ARHGEF10: variants seen among roughly 807,000 people sequenced by gnomAD.
ARHGEF10 encodes the protein Rho guanine nucleotide exchange factor (GEF) 10.
A neutral mutation model predicts 147.4 loss-of-function variants in ARHGEF10; 140 were observed. The ratio of observed to expected loss-of-function variants is 0.95; its 90% confidence interval spans 0.83 to 1.09. ARHGEF10 has a LOEUF of 1.09. ARHGEF10 is among the 50% of genes least tolerant of loss of function. The probability of loss-of-function intolerance (pLI) is 0.00; values close to 1 mark genes in which losing one functional copy is unlikely to be tolerated. For missense variants in ARHGEF10, 2,222 were observed against 1,752.7 expected, an observed-to-expected ratio of 1.27 and a Z score of -4.78; for synonymous variants, 902 against 695.8, an observed-to-expected ratio of 1.30 and a Z score of -4.67.
rs370332891 is a variant in ARHGEF10 at position 1,928,509 on chromosome 8, A to G, written c.2780A>G (p.Asn927Ser). The G allele has an allele frequency of 2.2e-5, 35 of 1,614,068 alleles. No individual in the cohort carries two copies. The Admixed American group carries it at 3.2e-4, about 15-fold the overall frequency. Residue 927 changes from asparagine to serine, a missense_variant, in exon 24 of 29, where the codon AAC becomes AGC. Physicochemically the swap from Asn to Ser is conservative, Grantham distance 46. Coordinates refer to ENST00000349830, the MANE Select transcript of ARHGEF10 (RefSeq NM_014629.4). ...NSTPKVIECF[N>S]VESRILCMLY... Reference sequence around the variant, plus strand: ...ACTCCCAAAGTCATTGAGTGCTTCAACGTGGAATCTCGCATCCTGTGCATG... The same window carrying G: ...ACTCCCAAAGTCATTGAGTGCTTCAGCGTGGAATCTCGCATCCTGTGCATG...
chr8:1,842,049 GCGGCGGGAACTGGGGC>G (rs1804130122), intron 1 of ARHGEF10, among the ~76,000 whole-genome samples: 1 of 128,596 alleles, frequency 7.8e-6, no homozygotes, highest in Non-Finnish European at 1.7e-5. Flanking sequence ...AACTGGGGCC[GCGGCGGGAACTGGGGC>G]CGCGGCGGGA....
At chr8:1,835,963 C>T (rs187182234) in intron 1 of ARHGEF10, among the ~76,000 whole-genome samples, 43 of 152,262 alleles carry the variant, frequency 2.8e-4, no homozygotes, top group Admixed American at 5.9e-4. Context: ...GGGCAGATCA[C>T]GAGCTCAGGA....
chr8:1,891,832 C>T (rs1204898754), intron 11 of ARHGEF10, among the ~76,000 whole-genome samples: 1 of 151,990 alleles, frequency 6.6e-6, no homozygotes, highest in Non-Finnish European at 1.5e-5. Flanking sequence ...CGTGCAGTAG[C>T]CATGAAACCC....
At chr8:1,852,168 T>A (rs1805206249) in intron 2 of ARHGEF10, among the ~76,000 whole-genome samples, 1 of 152,076 alleles carries the variant, frequency 6.6e-6, no homozygotes, top group South Asian at 2.1e-4. Context: ...CCAAGTGCAA[T>A]AGCCATGTGT....
At chr8:1,941,928 G>T (rs761256824) in intron 26 of ARHGEF10, among the ~76,000 whole-genome samples, 24 of 152,198 alleles carry the variant, frequency 1.6e-4, no homozygotes, top group Non-Finnish European at 1.3e-4. Context: ...GCAGAAGAAT[G>T]AAGTTGGACC....
At position 1,928,518 on chromosome 8, in the gene ARHGEF10, C is replaced by G; in HGVS notation, c.2789C>G (p.Ser930Cys). The change falls in exon 24 of 29, where the codon TCT becomes TGT. Residue 930 changes from serine to cysteine, a missense_variant. Coordinates refer to ENST00000349830, the MANE Select transcript of ARHGEF10 (RefSeq NM_014629.4). ...GTCATTGAGTGCTTCAACGTGGAATCTCGCATCCTGTGCATGCTGTACGTT... is the reference window on the plus strand; with the variant it reads ...GTCATTGAGTGCTTCAACGTGGAATGTCGCATCCTGTGCATGCTGTACGTT... ...PKVIECFNVE[S>C]RILCMLYVPV... is the part of the protein sequence containing the mutation. 6.2e-7 allele frequency: 1 copy of G among 1,614,238 alleles called. No individual in the cohort carries two copies. Among genetic ancestry groups the G allele is most frequent in the Non-Finnish European group, 8.5e-7 (1 of 1,180,054 alleles).
At chr8:1,909,226 G>A in intron 17 of ARHGEF10, 69 bp from the exon 18 acceptor site, 1 of 1,597,246 alleles carries the variant, frequency 6.3e-7, no homozygotes, top group Non-Finnish European at 8.6e-7. Flanking sequence ...TTGAACATCT[G>A]AGGGATGAAC....
At chr8:1,841,699 G>T (rs1195862747) in intron 1 of ARHGEF10, among the ~76,000 whole-genome samples, 2 of 152,080 alleles carry the variant, frequency 1.3e-5, no homozygotes, top group East Asian at 3.9e-4. Flanking sequence ...TCTTTTCTCA[G>T]CAGTCGTGTT....
chr8:1,925,298 T>C lies in ARHGEF10; in HGVS notation c.2504T>C (p.Met835Thr). ...ATAATTGCAGAAGAGGAGAACCACATGGGCTGGTTCTGTGTGGAAGACGAT... is the reference window on the plus strand; with the variant it reads ...ATAATTGCAGAAGAGGAGAACCACACGGGCTGGTTCTGTGTGGAAGACGAT... ...AKLALEEENH[M>T]GWFCVEDDGN... Residue 835 changes from methionine to threonine, a missense_variant, in exon 22 of 29, where the codon ATG becomes ACG. Met to Thr is a moderately conservative substitution (Grantham distance 81). Coordinates refer to ENST00000349830, the MANE Select transcript of ARHGEF10 (RefSeq NM_014629.4). 5 of 1,614,180 alleles carry C rather than the reference T, an allele frequency of 3.1e-6. No individual in the cohort carries two copies. The highest frequency in any genetic ancestry group is 4.2e-6 in the Non-Finnish European group (5 of 1,180,022).
Position 1,866,521 on chromosome 8 carries a change from T to A in ARHGEF10, c.546-5T>A. On this transcript the variant is annotated splice_polypyrimidine_tract_variant and splice_region_variant and intron_variant, in intron 5 of 28. Transcript: ENST00000349830. ...ATTCTGACTTTATGGTTTGTTTTCT[T>A]TAAGTGAAGATCAAGTCGGTCGAGA... The A allele has an allele frequency of 6.2e-7, 1 of 1,612,194 alleles. No homozygotes were observed. Among genetic ancestry groups the A allele is most frequent in the Non-Finnish European group, 8.5e-7 (1 of 1,179,958 alleles).
At chr8:1,905,466 C>G in intron 16 of ARHGEF10, 105 bp from the exon 17 acceptor site, 3 of 1,402,668 alleles carry the variant, frequency 2.1e-6, no homozygotes, top group Admixed American at 3.4e-5. Flanking sequence ...GTAAAGCGCT[C>G]AGTTTGGAAA....
intron 25 of ARHGEF10, among the ~76,000 whole-genome samples, chr8:1,929,947 C>G (rs1172379973): frequency 6.6e-6 from 1 of 152,174 alleles, no homozygotes; most frequent in African/African-American, 2.4e-5. Context: ...CGCCTGGTCC[C>G]CGCAGCCGCT....
chr8:1,924,729 G>A (rs1812556016), intron 21 of ARHGEF10, among the ~76,000 whole-genome samples: 1 of 152,172 alleles, frequency 6.6e-6, no homozygotes, highest in Admixed American at 6.5e-5. Flanking sequence ...TAGCAAACAA[G>A]GAAGTGGCCA....
At chr8:1,859,773 TCTAGGGGTC>T in intron 3 of ARHGEF10, 115 bp from the exon 4 acceptor site, 5 of 1,222,718 alleles carry the variant, frequency 4.1e-6, no homozygotes, top group Non-Finnish European at 5.9e-6. Context: ...CCTGGGAACG[TCTAGGGGTC>T]CTGGCATGGG....
Position 1,948,696 on chromosome 8 carries a change from A to G in ARHGEF10, c.3397+3041A>G, listed in dbSNP as rs1814786713. On this transcript the variant is annotated intron_variant, in intron 27 of 28. Coordinates refer to ENST00000349830, the MANE Select transcript of ARHGEF10 (RefSeq NM_014629.4). The surrounding 1 kb of genome is among the most constrained non-coding windows in gnomAD (Gnocchi z 4.9). ...CTCAGAGGGAATGAGCAGGCCAGAGAGTCCTTTCCTCCAGAGAGTCCTTTC... is the reference window on the plus strand; with the variant it reads ...CTCAGAGGGAATGAGCAGGCCAGAGGGTCCTTTCCTCCAGAGAGTCCTTTC... Among the ~76,000 whole-genome samples, 1 of 152,210 alleles carries G rather than the reference A, an allele frequency of 6.6e-6. No homozygotes were observed. The highest frequency in any genetic ancestry group is 2.4e-5 in the African/African-American group (1 of 41,454).
intron 3 of ARHGEF10, among the ~76,000 whole-genome samples, chr8:1,858,324 C>T (rs1002905393): frequency 3.9e-5 from 6 of 151,912 alleles, no homozygotes; most frequent in East Asian, 3.9e-4. Flanking sequence ...CCATCGGACT[C>T]GCCGATTTTC....
intron 18 of ARHGEF10, among the ~76,000 whole-genome samples, chr8:1,911,222 C>A (rs1811328678): frequency 6.6e-6 from 1 of 152,102 alleles, no homozygotes; most frequent in African/African-American, 2.4e-5. Context: ...GGTGTTATAT[C>A]TCCAGTTAAG....
At chr8:1,893,264 A>C (rs1030984665) in intron 11 of ARHGEF10, among the ~76,000 whole-genome samples, 3 of 152,236 alleles carry the variant, frequency 2.0e-5, no homozygotes, top group Non-Finnish European at 2.9e-5. Context: ...TTGGATACAT[A>C]AAATACAATC....
At chr8:1,839,509 G>A (rs1342488773) in intron 1 of ARHGEF10, among the ~76,000 whole-genome samples, 7 of 144,242 alleles carry the variant, frequency 4.9e-5, no homozygotes, top group Non-Finnish European at 7.5e-5. Flanking sequence ...GGGACTGTCC[G>A]GTGTGGAAGC....
Sources: allele counts gnomAD v4.1 joint callset (sites outside exome capture counted in the v4.1 genomes callset), GRCh38; gene constraint gnomAD v4.1.1; non-coding constraint Gnocchi (gnomAD v3.1); transcripts MANE v1.5; gene names NCBI Gene and HGNC (gene_info 2026-07-23, HGNC 2026-07-21).